Variants in SH2D4B observed in about 807,000 individuals in gnomAD.
SH2D4B encodes SH2 domain containing 4B, also known as SH2 domain-containing protein 4B.
Under a neutral mutation model 61.5 loss-of-function variants are expected in SH2D4B, and 45 were observed. That is an observed-to-expected ratio of 0.73 (90% confidence interval 0.58 to 0.94). The LOEUF (loss-of-function observed/expected upper bound fraction) is 0.94. Ranked by LOEUF, SH2D4B falls within the 40% of genes least tolerant of loss-of-function variation. The pLI, the probability that SH2D4B is intolerant of heterozygous loss-of-function variation, is 0.00. For synonymous variants in SH2D4B, 224 were observed against 220.4 expected (o/e 1.02, Z -0.14); for missense variants, 572 against 574.2 (o/e 1.00, Z 0.04).
At chr10:80,633,870 A>G (rs1842862073) in intron 6 of SH2D4B, among the ~76,000 whole-genome samples, 1 of 152,246 alleles carries the variant, frequency 6.6e-6, no homozygotes, top group Non-Finnish European at 1.5e-5. Flanking sequence ...TGAGTTAGTC[A>G]TCAGCAGCCA....
intron 5 of SH2D4B, among the ~76,000 whole-genome samples, chr10:80,605,178 G>C (rs920979252): frequency 6.7e-6 from 1 of 149,294 alleles, no homozygotes; most frequent in Non-Finnish European, 1.5e-5. Flanking sequence ...TTTTTTTTGT[G>C]GAAAAGTTTG....
chr10:80,630,554 G>A (rs915002515), intron 6 of SH2D4B, among the ~76,000 whole-genome samples: 2 of 152,226 alleles, frequency 1.3e-5, no homozygotes, highest in Admixed American at 6.5e-5. Context: ...GACCTGAGGG[G>A]TGGGGATAGT....
intron 4 of SH2D4B, among the ~76,000 whole-genome samples, chr10:80,595,873 A>G (rs905952972): frequency 1.3e-5 from 2 of 152,194 alleles, no homozygotes; most frequent in African/African-American, 4.8e-5. Flanking sequence ...TTGGAATGAG[A>G]ATGGAATCAC....
At chr10:80,622,143 C>A (rs1373102261) in intron 6 of SH2D4B, among the ~76,000 whole-genome samples, 1 of 152,180 alleles carries the variant, frequency 6.6e-6, no homozygotes, top group Non-Finnish European at 1.5e-5. Flanking sequence ...TGCCCACCCC[C>A]ATGGCTTATT....
intron 3 of SH2D4B, 30 bp downstream of exon 3, chr10:80,571,608 G>A (rs199735307): frequency 2.4e-5 from 38 of 1,610,740 alleles, no homozygotes; most frequent in Non-Finnish European, 2.9e-5. Context: ...CCCTGCGTGC[G>A]GCCACCTAAT....
intron 3 of SH2D4B, among the ~76,000 whole-genome samples, chr10:80,581,572 A>G (rs1842184818): frequency 6.6e-6 from 1 of 152,202 alleles, no homozygotes; most frequent in South Asian, 2.1e-4. Context: ...GCACACACTC[A>G]GAGGGAAGGC....
chr10:80,587,926 T>C (rs776161428), intron 3 of SH2D4B, among the ~76,000 whole-genome samples: 6 of 152,230 alleles, frequency 3.9e-5, no homozygotes, highest in Non-Finnish European at 8.8e-5. Flanking sequence ...CGTGACTTCA[T>C]TCTGTTTTAT....
chr10:80,609,304 C>A lies in SH2D4B; in HGVS notation c.861-120C>A, dbSNP rs373219353. ...CTCCCCTGCCCCTTCTTCCACCCCC[C>A]CTTCCTCCTCCTCCTTTTACCTTCC... On this transcript the variant is annotated intron_variant, in intron 5 of 7. Coordinates refer to ENST00000646907, the MANE Select transcript of SH2D4B (RefSeq NM_001388272.1). 2,684 of 1,013,904 alleles carry A rather than the reference C, an allele frequency of 2.6e-3. 20 individuals are homozygous for A. The highest frequency in any genetic ancestry group is 3.4e-3 in the Non-Finnish European group (2,434 of 712,796). 62.8% of individuals were successfully genotyped at this position (1,013,904 alleles called of 1,614,324 possible).
chr10:80,579,763 A>G (rs1346630408), intron 3 of SH2D4B, among the ~76,000 whole-genome samples: 1 of 152,080 alleles, frequency 6.6e-6, no homozygotes, highest in Non-Finnish European at 1.5e-5. Context: ...ACAACTTTAG[A>G]AACGATTACT....
At chr10:80,619,343 A>G (rs1253025758) in intron 6 of SH2D4B, among the ~76,000 whole-genome samples, 1 of 152,140 alleles carries the variant, frequency 6.6e-6, no homozygotes, top group Non-Finnish European at 1.5e-5. Flanking sequence ...CATGGGAGAG[A>G]GGGTAGCTAC....
At chr10:80,639,362 G>A (rs10785982) in intron 7 of SH2D4B, among the ~76,000 whole-genome samples, 136,210 of 152,228 alleles carry the variant, frequency 0.89, 61,206 homozygotes, top group African/African-American at 0.98. Context: ...TGTCTCATTG[G>A]TCTGTCTAAT....
At chr10:80,540,132 T>C (rs1841558948) in intron 1 of SH2D4B, among the ~76,000 whole-genome samples, 1 of 152,216 alleles carries the variant, frequency 6.6e-6, no homozygotes, top group Admixed American at 6.5e-5. Flanking sequence ...ATTAAACTCA[T>C]TTGAGTTTCT....
chr10:80,626,718 G>A (rs1370743597), intron 6 of SH2D4B, among the ~76,000 whole-genome samples: 2 of 152,116 alleles, frequency 1.3e-5, no homozygotes, highest in Non-Finnish European at 2.9e-5. Context: ...AATCTATCTG[G>A]CCTTCAAGGC....
At chr10:80,608,428 A>G (rs1027858330) in intron 5 of SH2D4B, among the ~76,000 whole-genome samples, 4 of 152,168 alleles carry the variant, frequency 2.6e-5, no homozygotes, top group Non-Finnish European at 5.9e-5. Flanking sequence ...TTTTTGTGCC[A>G]TGATTTCATG....
intron 1 of SH2D4B, among the ~76,000 whole-genome samples, chr10:80,547,821 T>C (rs191268116): frequency 2.0e-4 from 30 of 152,256 alleles, no homozygotes; most frequent in Admixed American, 1.8e-3. Flanking sequence ...AGACAAGAAG[T>C]AAGAAGCCTC....
chr10:80,577,859 G>C (rs1842144176), intron 3 of SH2D4B, among the ~76,000 whole-genome samples: 9 of 152,180 alleles, frequency 5.9e-5, no homozygotes, highest in Admixed American at 5.9e-4. Flanking sequence ...ACCACGCCTG[G>C]CCTTAGACCA....
At chr10:80,555,002 CAAAAAA>C (rs35160548) in intron 1 of SH2D4B, among the ~76,000 whole-genome samples, 551 of 63,662 alleles carry the variant, frequency 8.7e-3, no homozygotes, top group Non-Finnish European at 0.012. Flanking sequence ...AGGCGAGTCT[CAAAAAA>C]AAAAAAAAAA....
intron 1 of SH2D4B, among the ~76,000 whole-genome samples, chr10:80,551,553 A>G (rs554931209): frequency 3.3e-5 from 5 of 152,342 alleles, no homozygotes; most frequent in African/African-American, 1.2e-4. Flanking sequence ...ATGAACAAGC[A>G]ATTGCAGGAG....
intron 3 of SH2D4B, among the ~76,000 whole-genome samples, chr10:80,585,471 T>A (rs763682615): frequency 6.6e-6 from 1 of 152,226 alleles, no homozygotes; most frequent in Non-Finnish European, 1.5e-5. Context: ...CATGCCACCA[T>A]GCCCGACTAA....
Sources: allele counts gnomAD v4.1 joint callset (sites outside exome capture counted in the v4.1 genomes callset), GRCh38; gene constraint gnomAD v4.1.1; transcripts MANE v1.5; gene names NCBI Gene and HGNC (gene_info 2026-07-23, HGNC 2026-07-21).